Variants in PLXNC1 observed in about 807,000 individuals in gnomAD.
PLXNC1 encodes plexin-C1.
PLXNC1 carries 75 observed loss-of-function variants against 178.2 expected under a neutral mutation model. That is an observed-to-expected ratio of 0.42 (90% CI 0.35 to 0.51). PLXNC1 has a LOEUF of 0.51. PLXNC1 is among the 20% of genes least tolerant of loss of function. The pLI is 0.02. For synonymous variants in PLXNC1, 790 were observed against 779.9 expected (o/e 1.01, Z -0.22); for missense variants, 1,503 against 1,984.4 (o/e 0.76, Z 4.61).
chr12:94,253,996 G>T (rs1241454226), intron 15 of PLXNC1, among the ~76,000 whole-genome samples: 1 of 152,194 alleles, frequency 6.6e-6, no homozygotes. Flanking sequence ...CTATAAGGAG[G>T]AGAAGCTTCC....
rs1244380972 is a variant in PLXNC1, at chr12:94,306,548, A to C, written c.*1263A>C. On this transcript the variant is annotated 3_prime_UTR_variant, in exon 31 of 31. Coordinates refer to ENST00000258526, the MANE Select transcript of PLXNC1 (RefSeq NM_005761.3). ...GTTTTCCTTCTATTAAACCAGAAGA[A>C]GTAAACAGCATAATTGGCAACTCTT... 6.6e-6 allele frequency: 1 copy of C among 152,220 alleles called. No individual in the cohort carries two copies. The highest frequency in any genetic ancestry group is 2.4e-5 in the African/African-American group (1 of 41,464). 9.4% of individuals were successfully genotyped at this position (152,220 alleles called of 1,614,324 possible).
intron 11 of PLXNC1, among the ~76,000 whole-genome samples, chr12:94,241,698 C>CT (rs936081388): frequency 1.3e-5 from 2 of 152,250 alleles, no homozygotes; most frequent in South Asian, 2.1e-4. Flanking sequence ...GGATCTCATT[C>CT]TTTTTTGTAT....
At chr12:94,244,137 C>T (rs993595584) in intron 12 of PLXNC1, 112 bp downstream of exon 12, 21 of 553,866 alleles carry the variant, frequency 3.8e-5, no homozygotes, top group African/African-American at 3.6e-4. Flanking sequence ...GTGTTATAAA[C>T]TTTTACCTAT....
chr12:94,275,016 A>C (rs1380329548), intron 21 of PLXNC1, among the ~76,000 whole-genome samples: 1 of 152,226 alleles, frequency 6.6e-6, no homozygotes, highest in Non-Finnish European at 1.5e-5. Flanking sequence ...AGGAACAGTG[A>C]GGATTTTAAG....
chr12:94,269,707 G>T (rs1372130252), intron 21 of PLXNC1, among the ~76,000 whole-genome samples: 2 of 152,166 alleles, frequency 1.3e-5, no homozygotes, highest in Non-Finnish European at 2.9e-5. Flanking sequence ...ACCATTTGTG[G>T]AGAAACAGTG....
intron 9 of PLXNC1, among the ~76,000 whole-genome samples, chr12:94,236,196 T>C (rs1360789378): frequency 6.6e-6 from 1 of 152,222 alleles, no homozygotes; most frequent in African/African-American, 2.4e-5. Context: ...TTAAAATAAA[T>C]TCTGCTACCA....
intron 23 of PLXNC1, among the ~76,000 whole-genome samples, chr12:94,285,999 G>T (rs1004505466): frequency 2.8e-4 from 42 of 152,308 alleles, no homozygotes; most frequent in South Asian, 1.0e-3. Flanking sequence ...AGTCTCTCCA[G>T]CAGGGAGAAT....
At chr12:94,280,842 G>T (rs974112390) in intron 22 of PLXNC1, among the ~76,000 whole-genome samples, 2 of 152,158 alleles carry the variant, frequency 1.3e-5, no homozygotes, top group Non-Finnish European at 2.9e-5. Context: ...CCTGAGTTTG[G>T]GTGTCCCTTG....
rs1962116443 is a variant in PLXNC1, at chr12:94,177,201, G to GTATATATATGTATATATATATACGTA, written c.1204-4236_1204-4235insGTATATATATATACGTATATATATAT. ...CGTATATATATGTATATATATATAC[G>GTATATATATGTATATATATATACGTA]TATATATATATGTGTGTGTATATAT... On this transcript the variant is annotated intron_variant, in intron 2 of 30. Transcript: ENST00000258526. Among the ~76,000 whole-genome samples the GTATATATATGTATATATATATACGTA allele has an allele frequency of 1.3e-4, 8 of 61,670 alleles. No individual in the cohort carries two copies. In the East Asian group the frequency reaches 3.1e-3, roughly 24 times the overall value. 40.5% of individuals were successfully genotyped at this position (61,670 alleles called of 152,430 possible).
intron 21 of PLXNC1, among the ~76,000 whole-genome samples, chr12:94,279,145 CTTT>C (rs781145249): frequency 1.3e-4 from 19 of 152,000 alleles, no homozygotes; most frequent in Admixed American, 3.3e-4. Context: ...CCTTCCAATT[CTTT>C]TTTTTCTTTT....
Position 94,299,906 on chromosome 12 carries a change from T to G in PLXNC1, c.4239-1004T>G, listed in dbSNP as rs765976038. 4.1e-4 allele frequency among the ~76,000 whole-genome samples: 63 copies of G among 152,066 alleles called. 1 individual carries two copies. Among genetic ancestry groups the G allele is most frequent in the Non-Finnish European group, 3.4e-4 (23 of 67,994 alleles). On this transcript the variant is annotated intron_variant, in intron 27 of 30. Transcript: ENST00000258526. ...GTCCCTGCCACTCCCACATCAAGAC[T>G]GGGAGCTGAGGGCCACCATTCCACC... is the stretch of plus-strand genomic sequence containing the variant.
chr12:94,277,356 G>C (rs1205351282), intron 21 of PLXNC1, among the ~76,000 whole-genome samples: 1 of 152,072 alleles, frequency 6.6e-6, no homozygotes, highest in Non-Finnish European at 1.5e-5. Flanking sequence ...TGGAGTTAGG[G>C]GGACATCAAT....
intron 6 of PLXNC1, among the ~76,000 whole-genome samples, chr12:94,221,814 C>T (rs375456681): frequency 1.8e-4 from 27 of 152,266 alleles, no homozygotes; most frequent in Middle Eastern, 3.4e-3. Flanking sequence ...CTCTCTTAAG[C>T]CTCTTCTATA....
Position 94,244,024 on chromosome 12 carries a change from A to G in PLXNC1, c.2387A>G (p.Asn796Ser). 1 of 1,530,470 alleles carries G rather than the reference A, an allele frequency of 6.5e-7. No homozygotes were observed. The highest frequency in any genetic ancestry group is 1.1e-5 in the South Asian group (1 of 88,438). 94.8% of individuals were successfully genotyped at this position (1,530,470 alleles called of 1,614,324 possible). The change falls in exon 12 of 31, where the codon AAT (asparagine) becomes AGT (serine). Residue 796 changes from asparagine (N) to serine (S), a missense_variant and splice_region_variant. This residue lies in a region of PLXNC1 where 639 missense variants were observed against 979.7 expected (regional missense o/e 0.65). Transcript: ENST00000258526. The part of the protein sequence containing the change: ...IISHELKGNI[N>S]VSEYCVATYC... ...TCACATGAATTAAAAGGAAACATAA[A>G]TGTAAGTCTCCAGCTGCTTTGTAAT...
At chr12:94,293,612 T>C (rs1413705995) in intron 23 of PLXNC1, among the ~76,000 whole-genome samples, 1 of 152,146 alleles carries the variant, frequency 6.6e-6, no homozygotes, top group Non-Finnish European at 1.5e-5. Context: ...AGCTCTGCTG[T>C]CTCTTCCTTT....
chr12:94,212,239 T>A (rs56233518), intron 5 of PLXNC1, among the ~76,000 whole-genome samples: 28,554 of 126,184 alleles, frequency 0.23, 3,000 homozygotes, highest in Middle Eastern at 0.41. Flanking sequence ...CCGCCACTGC[T>A]CTCCAGCCTG....
At chr12:94,297,908 C>T (rs1968090300) in intron 26 of PLXNC1, among the ~76,000 whole-genome samples, 2 of 152,140 alleles carry the variant, frequency 1.3e-5, no homozygotes, top group Admixed American at 1.3e-4. Flanking sequence ...CGGTGGAATA[C>T]CAAACCGAGA....
intron 23 of PLXNC1, among the ~76,000 whole-genome samples, chr12:94,291,036 C>T (rs1011266400): frequency 6.6e-6 from 1 of 152,218 alleles, no homozygotes; most frequent in African/African-American, 2.4e-5. Flanking sequence ...GCCCGAAGGG[C>T]ACTTCCTTGC....
intron 4 of PLXNC1, among the ~76,000 whole-genome samples, chr12:94,209,268 C>G (rs1289970366): frequency 6.6e-6 from 1 of 152,190 alleles, no homozygotes; most frequent in Non-Finnish European, 1.5e-5. Flanking sequence ...CTCCCTATTT[C>G]AGAATCCATG....
Sources: allele counts gnomAD v4.1 joint callset (sites outside exome capture counted in the v4.1 genomes callset), GRCh38; gene constraint gnomAD v4.1.1; regional missense constraint gnomAD v4.1.1; transcripts MANE v1.5; gene names NCBI Gene and HGNC (gene_info 2026-07-23, HGNC 2026-07-21).